The following DPP8 variants were observed in gnomAD, a reference collection of about 807,000 sequenced individuals.
DPP8 encodes the protein dipeptidyl peptidase 8.
Under a neutral mutation model 107.5 loss-of-function variants are expected in DPP8, and 31 were observed. That is an observed-to-expected ratio of 0.29 (90% CI 0.22 to 0.39). DPP8 has a LOEUF of 0.39. Among genes scored for constraint, DPP8 ranks in the 10% least tolerant of loss-of-function variants. DPP8 has a pLI of 1.00. For missense variants in DPP8, 842 were observed against 1,076.1 expected, an observed-to-expected ratio of 0.78 and a Z score of 3.04; for synonymous variants, 381 against 356.6, an observed-to-expected ratio of 1.07 and a Z score of -0.77.
intron 4 of DPP8, among the ~76,000 whole-genome samples, chr15:65,499,726 G>A (rs1313914596): frequency 6.6e-6 from 1 of 150,790 alleles, no homozygotes; most frequent in Non-Finnish European, 1.5e-5. Context: ...TACCTTGCCT[G>A]GCTAATTTTT....
At chr15:65,511,525 G>A (rs916912077) in intron 2 of DPP8, among the ~76,000 whole-genome samples, 1 of 150,938 alleles carries the variant, frequency 6.6e-6, no homozygotes, top group South Asian at 2.1e-4. Context: ...CTGTGGTGGC[G>A]TGCACCTGTA....
At chr15:65,447,427 A>G (rs888377426) in intron 19 of DPP8, among the ~76,000 whole-genome samples, 1 of 152,242 alleles carries the variant, frequency 6.6e-6, no homozygotes, top group African/African-American at 2.4e-5. Flanking sequence ...ATTAAACTGC[A>G]CTAGAAGTCA....
chr15:65,484,420 A>T (rs986598733), intron 8 of DPP8, among the ~76,000 whole-genome samples: 3 of 152,028 alleles, frequency 2.0e-5, no homozygotes, highest in African/African-American at 7.2e-5. Context: ...GGTAATAACA[A>T]TGTTCTAAAA....
In DPP8 at chr15:65,497,846, T is replaced by A; in HGVS notation, c.715+18A>T. 1.4e-6 allele frequency: 2 copies of A among 1,431,144 alleles called. No individual in the cohort carries two copies. The allele number at this position is 1,431,144 out of a possible 1,614,324, so 88.7% of individuals were successfully genotyped here. A position where few individuals can be genotyped will look rare whatever the true frequency, so the allele number is the denominator to read the frequency against. On this transcript the variant is annotated intron_variant, in intron 5 of 19. Transcript: ENST00000300141. ...AAAATACTGTTCAGAAAAGTAAATC[T>A]GAAGAACTACGCCTTACCATTGTGC... is the stretch of plus-strand genomic sequence containing the variant.
intron 5 of DPP8, among the ~76,000 whole-genome samples, chr15:65,493,701 C>T (rs1349739572): frequency 5.9e-5 from 9 of 152,090 alleles, no homozygotes; most frequent in Non-Finnish European, 1.3e-4. Flanking sequence ...TTATTATAGA[C>T]TTCCATTATT....
At chr15:65,455,941 C>T in intron 16 of DPP8, 1 of 1,021,820 alleles carries the variant, frequency 9.8e-7, no homozygotes, top group Non-Finnish European at 1.3e-6. Context: ...CAACTGTGTA[C>T]AGGATGCTGA....
At chr15:65,448,939 T>C (rs2063761630) in intron 19 of DPP8, among the ~76,000 whole-genome samples, 1 of 120,000 alleles carries the variant, frequency 8.3e-6, no homozygotes, top group African/African-American at 3.1e-5. Flanking sequence ...CTGGGTGTAG[T>C]GGCTCACGCC....
In DPP8 at chr15:65,499,081, G is replaced by GTC. The variant is rs1266195483; in HGVS notation, c.547-1050_547-1049insGA. Among the ~76,000 whole-genome samples, 78 of 105,472 alleles carry GTC rather than the reference G, an allele frequency of 7.4e-4. 1 individual carries two copies. The highest frequency in any genetic ancestry group is 2.0e-4 in the Non-Finnish European group (10 of 49,060). 69.2% of individuals were successfully genotyped at this position (105,472 alleles called of 152,430 possible). On this transcript the variant is annotated intron_variant, in intron 4 of 19. Transcript: ENST00000300141. ...CCCCCCAAAAAAAAAGTGTGTGTGT[G>GTC]TGTGTGTGTGTGTGTGTGTGTGTGT...
At chr15:65,455,564 A>G (rs1595865728) in intron 16 of DPP8, 12 of 724,850 alleles carry the variant, frequency 1.7e-5, no homozygotes, top group Non-Finnish European at 1.9e-5. Context: ...AATTCCTACC[A>G]CCACCACCTT....
At chr15:65,461,434 C>A (rs1293955337) in intron 15 of DPP8, among the ~76,000 whole-genome samples, 1 of 152,110 alleles carries the variant, frequency 6.6e-6, no homozygotes, top group African/African-American at 2.4e-5. Flanking sequence ...TACACCCAGC[C>A]TAATCTTTAA....
At chr15:65,455,322 T>TG (rs2064322166) in intron 16 of DPP8, 2 of 157,996 alleles carry the variant, frequency 1.3e-5, no homozygotes, top group Non-Finnish European at 2.8e-5. Context: ...TTTGTAGAGG[T>TG]GGGGTCTCAT....
intron 5 of DPP8, among the ~76,000 whole-genome samples, chr15:65,496,347 A>G (rs1291542398): frequency 6.7e-6 from 1 of 150,316 alleles, no homozygotes; most frequent in Non-Finnish European, 1.5e-5. Context: ...GATGACAGTA[A>G]ATCAGCTTTG....
intron 2 of DPP8, among the ~76,000 whole-genome samples, chr15:65,508,612 G>A (rs1445996333): frequency 1.3e-5 from 2 of 152,146 alleles, no homozygotes; most frequent in Admixed American, 6.6e-5. Flanking sequence ...CAGCACTTTG[G>A]GAGGCTGAGG....
chr15:65,514,800 G>A (rs548521861), intron 1 of DPP8, among the ~76,000 whole-genome samples: 5 of 152,242 alleles, frequency 3.3e-5, no homozygotes, highest in South Asian at 2.1e-4. Flanking sequence ...GGGAGCCACC[G>A]TGCCCGGCCA....
intron 12 of DPP8, among the ~76,000 whole-genome samples, chr15:65,473,498 G>A (rs2066106241): frequency 6.6e-6 from 1 of 151,856 alleles, no homozygotes; most frequent in African/African-American, 2.4e-5. Flanking sequence ...ATGAGACCCT[G>A]TCTCTACCAA....
At chr15:65,451,252 A>G in intron 18 of DPP8, 142 bp from the exon 19 acceptor site, 1 of 600,386 alleles carries the variant, frequency 1.7e-6, no homozygotes, top group South Asian at 2.1e-5. Flanking sequence ...TCAATATTAA[A>G]TTTGTAACAT....
chr15:65,466,939 A>G (rs1331943953), intron 13 of DPP8, 126 bp from the exon 14 acceptor site: 8 of 1,421,820 alleles, frequency 5.6e-6, no homozygotes, highest in Non-Finnish European at 7.6e-6. Context: ...TACAATGTTG[A>G]AATTAAGCTT....
chr15:65,515,008 A>AT (rs1488135996), intron 1 of DPP8, among the ~76,000 whole-genome samples: 1 of 151,886 alleles, frequency 6.6e-6, no homozygotes, highest in Non-Finnish European at 1.5e-5. Flanking sequence ...TGTCCAGTTT[A>AT]TTTTTTTTAG....
At chr15:65,487,546 A>G in intron 7 of DPP8, 144 bp downstream of exon 7, 4 of 715,944 alleles carry the variant, frequency 5.6e-6, no homozygotes, top group South Asian at 3.7e-5. Context: ...TTCAAAATCT[A>G]TTTTTGTGGT....
Sources: gnomAD v4.1 joint callset for allele counts (sites outside exome capture counted in the v4.1 genomes callset) on GRCh38, gnomAD v4.1.1 for gene constraint, MANE v1.5 for transcripts, NCBI Gene and HGNC (gene_info 2026-07-23, HGNC 2026-07-21) for gene names.